Variants in LRRC9 observed in about 807,000 individuals in gnomAD.
LRRC9 encodes the protein leucine rich repeat containing 9, also known as leucine-rich repeat-containing protein 9.
LRRC9 carries 122 observed loss-of-function variants against 63.2 expected under a neutral mutation model. That is an observed-to-expected ratio of 1.93 (90% CI 1.67 to 2.24). The LOEUF (loss-of-function observed/expected upper bound fraction) is 2.24, where lower values mean the gene tolerates loss of function less well. Ranked by LOEUF, LRRC9 falls within the 30% of genes most tolerant of loss-of-function variation. The pLI, the probability that LRRC9 is intolerant of heterozygous loss-of-function variation, is 0.00. For missense variants in LRRC9, 1,071 were observed against 627.7 expected, an observed-to-expected ratio of 1.71 and a Z score of -7.55; for synonymous variants, 366 against 213.1, an observed-to-expected ratio of 1.72 and a Z score of -6.25.
chr14:59,921,717 ATTTTTT>A (rs57938700), intron 1 of LRRC9, among the ~76,000 whole-genome samples: 15 of 121,162 alleles, frequency 1.2e-4, no homozygotes, highest in Admixed American at 4.2e-4. Context: ...GGGCAGTTGG[ATTTTTT>A]TTTTTTTTTT....
intron 8 of LRRC9, among the ~76,000 whole-genome samples, chr14:59,952,101 C>T (rs377310227): frequency 2.6e-5 from 4 of 151,996 alleles, no homozygotes; most frequent in East Asian, 1.9e-4. Flanking sequence ...CCCCCAGCCT[C>T]GCTGCCGCCT....
rs1330317671 is a variant in LRRC9, at chr14:60,019,268, T to A, written c.3566+8T>A. On this transcript the variant is annotated splice_region_variant and intron_variant, in intron 26 of 31. Transcript: ENST00000445360. ...AATTTCAAAAACAAACAGGTAGTAT[T>A]CTTTATTTTTATGATTATAACTAAT... 1 of 679,842 alleles carries A rather than the reference T, an allele frequency of 1.5e-6. No individual in the cohort carries two copies. Among genetic ancestry groups the A allele is most frequent in the Non-Finnish European group, 2.7e-6 (1 of 377,052 alleles). The allele number at this position is 679,842 out of a possible 1,614,324, so 42.1% of individuals were successfully genotyped here.
At chr14:59,921,863 ATCACAAGG>A (rs1888810191) in intron 1 of LRRC9, among the ~76,000 whole-genome samples, 1 of 151,784 alleles carries the variant, frequency 6.6e-6, no homozygotes, top group African/African-American at 2.4e-5. Flanking sequence ...AGGCGGGTGG[ATCACAAGG>A]TCAGGAGTTC....
At chr14:59,954,153 T>G (rs1180720520) in intron 8 of LRRC9, among the ~76,000 whole-genome samples, 2 of 152,234 alleles carry the variant, frequency 1.3e-5, no homozygotes, top group Admixed American at 6.5e-5. Flanking sequence ...GGCTCCTTTT[T>G]GGTTCCATAT....
chr14:59,966,762 C>G lies in LRRC9; in HGVS notation c.1385C>G (p.Ser462Ter). 1.6e-6 allele frequency: 1 copy of G among 634,458 alleles called. No homozygotes were observed. Among genetic ancestry groups the G allele is most frequent in the Non-Finnish European group, 2.9e-6 (1 of 349,340 alleles). 39.3% of individuals were successfully genotyped at this position (634,458 alleles called of 1,614,324 possible). The change falls in exon 11 of 32, where the codon TCA (serine) becomes TGA (stop). Residue 462 changes from serine to a stop codon, truncating the protein, a stop_gained. Coordinates refer to ENST00000445360, the Ensembl canonical transcript of LRRC9. LOFTEE classifies it high-confidence loss of function. The surrounding 1 kb of genome is among the most constrained non-coding windows in gnomAD (Gnocchi z 4.0). ...TTGGAGAATGAAGATATGCATGATTCAGAGTAAGAAGCTGAATTCTTTATG... is the reference window on the plus strand; with the variant it reads ...TTGGAGAATGAAGATATGCATGATTGAGAGTAAGAAGCTGAATTCTTTATG...
intron 10 of LRRC9, among the ~76,000 whole-genome samples, chr14:59,965,004 TC>T (rs1884691171): frequency 6.6e-6 from 1 of 152,176 alleles, no homozygotes; most frequent in African/African-American, 2.4e-5. Context: ...ATCAGGAAGC[TC>T]ACCTCTGTGA....
At chr14:59,920,797 C>G (rs896196743) in intron 1 of LRRC9, among the ~76,000 whole-genome samples, 2 of 152,228 alleles carry the variant, frequency 1.3e-5, no homozygotes, top group African/African-American at 4.8e-5. Flanking sequence ...ATACTCTGGT[C>G]ATGGAGAACG....
rs1595098009 is a variant in LRRC9 at position 60,044,151 on chromosome 14, C to G, written c.3991-8914C>G. 2.6e-5 allele frequency among the ~76,000 whole-genome samples: 4 copies of G among 152,072 alleles called. No homozygotes were observed. The South Asian group carries it at 8.3e-4, about 32-fold the overall frequency. ...ATTTCTGAGGTCTCAGTTATTACAT[C>G]TTCTTTTTCATTTTTGATTTCATTT... is the stretch of plus-strand genomic sequence containing the variant. On this transcript the variant is annotated intron_variant, in intron 29 of 31. Coordinates refer to ENST00000445360, the Ensembl canonical transcript of LRRC9.
At chr14:59,941,132 A>G (rs1030337457) in intron 7 of LRRC9, among the ~76,000 whole-genome samples, 8 of 151,880 alleles carry the variant, frequency 5.3e-5, no homozygotes, top group African/African-American at 1.9e-4. Flanking sequence ...ATTTTGAAAA[A>G]GTTTAGAAAT....
At position 59,942,349 on chromosome 14, in the gene LRRC9, G is replaced by C. The variant is rs1359837927; in HGVS notation, c.727-2240G>C. Among the ~76,000 whole-genome samples the C allele has an allele frequency of 6.6e-6, 1 of 152,132 alleles. No individual in the cohort carries two copies. The highest frequency in any genetic ancestry group is 1.5e-5 in the Non-Finnish European group (1 of 68,028). ...TGATACACTGATTTCCTTTGTTTTG[G>C]ATAAATACCCAGGAGTGAGATTGCT... is the stretch of plus-strand genomic sequence containing the variant. On this transcript the variant is annotated intron_variant, in intron 7 of 31. Transcript: ENST00000445360. The surrounding 1 kb of genome is among the most constrained non-coding windows in gnomAD (Gnocchi z 5.3).
At chr14:60,025,724 T>G (rs1232686644) in intron 27 of LRRC9, among the ~76,000 whole-genome samples, 1 of 152,018 alleles carries the variant, frequency 6.6e-6, no homozygotes, top group Non-Finnish European at 1.5e-5. Flanking sequence ...GTTTAATAAT[T>G]TGCCAAGTTT....
chr14:60,018,557 C>A, intron 25 of LRRC9, 78 bp downstream of exon 25: 1 of 569,962 alleles, frequency 1.8e-6, no homozygotes, highest in Non-Finnish European at 3.1e-6. Context: ...AATGGTATTT[C>A]CATGTTATTA....
At chr14:60,043,321 C>G (rs1252068229) in intron 29 of LRRC9, among the ~76,000 whole-genome samples, 2 of 152,138 alleles carry the variant, frequency 1.3e-5, no homozygotes, top group Non-Finnish European at 2.9e-5. Flanking sequence ...GACATTACTT[C>G]CACTACTATA....
chr14:59,991,503 C>T lies in LRRC9; in HGVS notation c.2212-6153C>T, dbSNP rs567212980. Among the ~76,000 whole-genome samples the T allele has an allele frequency of 1.9e-4, 29 of 152,164 alleles. 1 individual carries two copies. Among genetic ancestry groups the T allele is most frequent in the Admixed American group, 9.2e-4 (14 of 15,294 alleles). ...TGGGTGCAGCACACCGAGCGTGAGC[C>T]GAAGCATGGTGAGGCATTGCCTCAC... On this transcript the variant is annotated intron_variant, in intron 17 of 31. Coordinates refer to ENST00000445360, the Ensembl canonical transcript of LRRC9.
intron 6 of LRRC9, among the ~76,000 whole-genome samples, chr14:59,934,118 T>C (rs867727538): frequency 2.0e-5 from 3 of 150,936 alleles, no homozygotes; most frequent in Non-Finnish European, 4.4e-5. Context: ...TATGAGACTA[T>C]GAATTGGAGT....
intron 9 of LRRC9, among the ~76,000 whole-genome samples, chr14:59,960,678 TA>T (rs1884260292): frequency 6.6e-6 from 1 of 152,178 alleles, no homozygotes; most frequent in African/African-American, 2.4e-5. Context: ...CTGTAAGTGG[TA>T]GAGCAAGGAT....
chr14:60,044,660 ATTAT>A (rs1893255406), intron 29 of LRRC9, among the ~76,000 whole-genome samples: 1 of 152,144 alleles, frequency 6.6e-6, no homozygotes, highest in African/African-American at 2.4e-5. Flanking sequence ...GATACTTGAT[ATTAT>A]TTGTTTTTCA....
In LRRC9 at chr14:59,922,549, T is replaced by C. The variant is rs554913089; in HGVS notation, c.-34+2666T>C. ...AAAGAGGAAAATTTGACAGCAGTAT[T>C]CTGAAAGAGACAGATAAGGATAGGA... On this transcript the variant is annotated intron_variant, in intron 1 of 31. Transcript: ENST00000445360. The surrounding 1 kb of genome is among the most constrained non-coding windows in gnomAD (Gnocchi z 5.3). 6.6e-6 allele frequency among the ~76,000 whole-genome samples: 1 copy of C among 152,292 alleles called. No homozygotes were observed. The highest frequency in any genetic ancestry group is 2.1e-4 in the South Asian group (1 of 4,822).
chr14:59,994,693 G>A (rs1406534733), intron 17 of LRRC9, among the ~76,000 whole-genome samples: 1 of 152,162 alleles, frequency 6.6e-6, no homozygotes, highest in Admixed American at 6.5e-5. Flanking sequence ...AAAAAATGAT[G>A]AGTTCATGTC....
Sources: allele counts gnomAD v4.1 joint callset (sites outside exome capture counted in the v4.1 genomes callset), GRCh38; gene constraint gnomAD v4.1.1; non-coding constraint Gnocchi (gnomAD v3.1); transcripts MANE v1.5; gene names NCBI Gene and HGNC (gene_info 2026-07-23, HGNC 2026-07-21).